The following LGALS4 variants were observed in gnomAD, a reference collection of about 807,000 sequenced individuals.
The protein encoded by LGALS4 is galectin 4.
A neutral mutation model predicts 39.6 loss-of-function variants in LGALS4; 37 were observed. The observed-to-expected ratio is 0.93, with a 90% CI of 0.72 to 1.23. The LOEUF is 1.23. LGALS4 is among the 50% of genes most tolerant of loss of function. The pLI is 0.00. For missense variants in LGALS4, 397 were observed against 433.2 expected (o/e 0.92, Z 0.74); for synonymous variants, 160 against 165.5 (o/e 0.97, Z 0.25).
At chr19:38,812,551 A>G (rs762858254) in intron 1 of LGALS4, 32 bp from the exon 2 acceptor site, 5 of 1,595,764 alleles carry the variant, frequency 3.1e-6, no homozygotes, top group Middle Eastern at 1.7e-4. Flanking sequence ...GGGACTCACA[A>G]GCCATCTGCC....
At chr19:38,812,273 T>G (rs1490859902) in intron 2 of LGALS4, among the ~76,000 whole-genome samples, 158 bp downstream of exon 2, 1 of 152,166 alleles carries the variant, frequency 6.6e-6, no homozygotes, top group Non-Finnish European at 1.5e-5. Context: ...TCCCCACTCC[T>G]GATCTGCCCC....
chr19:38,801,971 G>T lies in LGALS4; in HGVS notation c.825+21C>A, dbSNP rs1568349049. On this transcript the variant is annotated intron_variant, in intron 9 of 9. Transcript: ENST00000307751. ...GGACTGAGGCCCTGGAAGGAAGTGG[G>T]AAAAGAGAGCTCAGACTCACATCAA... is the stretch of plus-strand genomic sequence containing the variant. 3 of 1,613,994 alleles carry T rather than the reference G, an allele frequency of 1.9e-6. No individual in the cohort carries two copies. The African/African-American group carries it at 4.0e-5, about 22-fold the overall frequency.
chr19:38,808,245 GAGAA>G (rs1266175413), intron 3 of LGALS4, among the ~76,000 whole-genome samples: 2 of 151,794 alleles, frequency 1.3e-5, no homozygotes, highest in African/African-American at 2.4e-5. Flanking sequence ...GGGAAGGAGA[GAGAA>G]GGAAGAAGAG....
Position 38,803,559 on chromosome 19 carries a change from G to C in LGALS4, c.541-8C>G. On this transcript the variant is annotated splice_region_variant and splice_polypyrimidine_tract_variant and intron_variant, in intron 6 of 9. Coordinates refer to ENST00000307751, the MANE Select transcript of LGALS4 (RefSeq NM_006149.4). ...TGGGGGTCCTTCCATGGTCTGTGAAGTGAGGAAGAAGCGATATTATTCTCC... is the reference window on the plus strand; with the variant it reads ...TGGGGGTCCTTCCATGGTCTGTGAACTGAGGAAGAAGCGATATTATTCTCC... 6.2e-7 allele frequency: 1 copy of C among 1,613,976 alleles called. No homozygotes were observed. The highest frequency in any genetic ancestry group is 8.5e-7 in the Non-Finnish European group (1 of 1,179,852).
intron 4 of LGALS4, among the ~76,000 whole-genome samples, chr19:38,804,440 C>T (rs1971398606): frequency 6.6e-6 from 1 of 152,078 alleles, no homozygotes; most frequent in Non-Finnish European, 1.5e-5. Context: ...CCACCACGCC[C>T]AGCTAATTTT....
chr19:38,811,458 CT>C (rs1971492935), intron 2 of LGALS4, among the ~76,000 whole-genome samples: 1 of 151,728 alleles, frequency 6.6e-6, no homozygotes, highest in African/African-American at 2.4e-5. Flanking sequence ...CATAACAAGA[CT>C]TTGTCTCTAC....
At chr19:38,803,224 A>C (rs1971381722) in intron 7 of LGALS4, 2 of 472,502 alleles carry the variant, frequency 4.2e-6, no homozygotes, top group South Asian at 5.5e-5. Flanking sequence ...TATGCTGGCC[A>C]GGATGGTCTC....
intron 2 of LGALS4, among the ~76,000 whole-genome samples, chr19:38,811,099 C>T (rs1236654786): frequency 6.6e-6 from 1 of 151,960 alleles, no homozygotes; most frequent in African/African-American, 2.4e-5. Context: ...CAGGGTTTCT[C>T]CATTTTGGTC....
Position 38,805,033 on chromosome 19 carries a change from G to A in LGALS4, c.475-1138C>T, listed in dbSNP as rs151310133. Among the ~76,000 whole-genome samples, 792 of 151,382 alleles carry A rather than the reference G, an allele frequency of 5.2e-3. 8 individuals are homozygous for A. Among genetic ancestry groups the A allele is most frequent in the African/African-American group, 0.018 (758 of 41,310 alleles). On this transcript the variant is annotated intron_variant, in intron 4 of 9. Transcript: ENST00000307751. ...TTAAAAACTAGCTGGGGCTGGTGGT[G>A]CGTGCCTGTAGTCCCAGCTACTCAG... is the stretch of plus-strand genomic sequence containing the variant.
chr19:38,808,640 A>AT, intron 3 of LGALS4, 104 bp downstream of exon 3: 3 of 770,370 alleles, frequency 3.9e-6, no homozygotes, highest in Non-Finnish European at 5.8e-6. Flanking sequence ...AAAAAAAAAA[A>AT]AAAGAAAGAA....
chr19:38,803,734 C>T lies in LGALS4; in HGVS notation c.540+8G>A. 6.2e-7 allele frequency: 1 copy of T among 1,612,688 alleles called. No homozygotes were observed. Among genetic ancestry groups the T allele is most frequent in the Non-Finnish European group, 8.5e-7 (1 of 1,179,466 alleles). ...CTCACCCGGGGCCCTCCCAGCCCTC[C>T]CACTCACGGGCAGGCTGTTCAGCTG... On this transcript the variant is annotated splice_region_variant and intron_variant, in intron 6 of 9. Transcript: ENST00000307751.
At chr19:38,808,406 C>T (rs1025778507) in intron 3 of LGALS4, among the ~76,000 whole-genome samples, 1 of 151,772 alleles carries the variant, frequency 6.6e-6, no homozygotes, top group Non-Finnish European at 1.5e-5. Flanking sequence ...GGCAGAACAC[C>T]TGAGGTCGGG....
rs1348022582 is a variant in LGALS4 at position 38,806,466 on chromosome 19, G to C, written c.469C>G (p.Pro157Ala). 25 of 1,614,100 alleles carry C rather than the reference G, an allele frequency of 1.5e-5. No homozygotes were observed. The highest frequency in any genetic ancestry group is 2.1e-5 in the Non-Finnish European group (25 of 1,180,030). ...INFIGGQPLR[P>A]QGPPMMPPYP... ...AGGGATGGGACCCCTCACACCTGGG[G>C]CCGGAGGGGCTGGCCTCCGATGAAG... is the stretch of plus-strand genomic sequence containing the variant. The change falls in exon 4 of 10, where the codon CCC (proline) becomes GCC (alanine). Residue 157 changes from proline (P) to alanine (A), a missense_variant. Pro to Ala is a conservative substitution (Grantham distance 27). Coordinates refer to ENST00000307751, the MANE Select transcript of LGALS4 (RefSeq NM_006149.4).
At chr19:38,807,675 T>C (rs1971438434) in intron 3 of LGALS4, among the ~76,000 whole-genome samples, 1 of 151,584 alleles carries the variant, frequency 6.6e-6, no homozygotes, top group Non-Finnish European at 1.5e-5. Flanking sequence ...GGCGGTTTTG[T>C]CGAAAAGAAA....
At chr19:38,804,020 AAAGG>A in intron 4 of LGALS4, 125 bp from the exon 5 acceptor site, 1 of 1,080,976 alleles carries the variant, frequency 9.3e-7, no homozygotes, top group Non-Finnish European at 1.4e-6. Flanking sequence ...CTCTGGCATC[AAAGG>A]GTGGCACCCC....
chr19:38,803,639 G>T, intron 6 of LGALS4, 88 bp from the exon 7 acceptor site: 1 of 1,591,184 alleles, frequency 6.3e-7, no homozygotes, highest in Non-Finnish European at 8.6e-7. Flanking sequence ...TTCTCTAGGT[G>T]CTGGGTTAGT....
rs199931553 is a variant in LGALS4 at position 38,806,519 on chromosome 19, T to A, written c.416A>T (p.Asp139Val). The A allele has an allele frequency of 5.0e-6, 8 of 1,614,132 alleles. No homozygotes were observed. In the East Asian group the frequency reaches 1.8e-4, roughly 36 times the overall value. ...GATTGATTGAAGTTGCAGATCCCCA[T>A]CCACTTGCAGGTGGGTGACCATCTG... The part of the protein sequence containing the change: ...PLQMVTHLQV[D>V]GDLQLQSINF... The change falls in exon 4 of 10, where the codon GAT (aspartate) becomes GTT (valine). Residue 139 changes from aspartate (D) to valine (V), a missense_variant. Coordinates refer to ENST00000307751, the MANE Select transcript of LGALS4 (RefSeq NM_006149.4).
intron 4 of LGALS4, among the ~76,000 whole-genome samples, chr19:38,805,619 CTCTG>C (rs1971413395): frequency 1.3e-5 from 2 of 152,160 alleles, no homozygotes; most frequent in Admixed American, 6.5e-5. Context: ...GCCCTGATCC[CTCTG>C]TCTGGGCCCA....
intron 4 of LGALS4, 87 bp downstream of exon 4, chr19:38,806,374 A>T (rs1971421517): frequency 6.9e-7 from 1 of 1,455,578 alleles, no homozygotes; most frequent in African/African-American, 1.5e-5. Context: ...TCTCAAAAAA[A>T]AAAGAAAAAA....
Sources: gnomAD v4.1 joint callset for allele counts (sites outside exome capture counted in the v4.1 genomes callset) on GRCh38, gnomAD v4.1.1 for gene constraint, MANE v1.5 for transcripts, NCBI Gene and HGNC (gene_info 2026-07-23, HGNC 2026-07-21) for gene names.